The following CTNNA2 variants were observed in gnomAD, a reference collection of about 807,000 sequenced individuals.
CTNNA2 encodes catenin alpha 2.
CTNNA2 carries 42 observed loss-of-function variants against 101.0 expected under a neutral mutation model. The ratio of observed to expected loss-of-function variants is 0.42; its 90% CI spans 0.32 to 0.54. The LOEUF is 0.54. Among genes scored for constraint, CTNNA2 ranks in the 20% least tolerant of loss-of-function variants. The pLI is 0.14. For missense variants in CTNNA2, 871 were observed against 1,223.1 expected, an observed-to-expected ratio of 0.71 and a Z score of 4.29; for synonymous variants, 450 against 456.4, an observed-to-expected ratio of 0.99 and a Z score of 0.18.
At chr2:79,820,086 A>ATAT (rs10655961) in intron 3 of CTNNA2, among the ~76,000 whole-genome samples, 64,354 of 151,678 alleles carry the variant, frequency 0.42, 14,387 homozygotes, top group East Asian at 0.65. Context: ...AATATATGTA[A>ATAT]TATGTGATTT....
intron 2 of CTNNA2, among the ~76,000 whole-genome samples, chr2:79,215,025 C>T (rs1361751439): frequency 6.6e-6 from 1 of 152,020 alleles, no homozygotes; most frequent in Admixed American, 6.6e-5. Flanking sequence ...ACCTGAAGCT[C>T]GGCGTCCGTG....
chr2:79,971,305 G>C (rs904831851), intron 7 of CTNNA2, among the ~76,000 whole-genome samples: 5 of 151,884 alleles, frequency 3.3e-5, no homozygotes, highest in Non-Finnish European at 7.4e-5. Flanking sequence ...CTCAAGACAC[G>C]CATATAACAT....
Position 79,909,732 on chromosome 2 carries a change from A to C in CTNNA2, c.991A>C (p.Ile331Leu), listed in dbSNP as rs1228815342. The change falls in exon 7 of 19, where the codon ATC becomes CTC. Residue 331 changes from isoleucine (I) to leucine (L), a missense_variant. By Grantham distance (5) the Ile-to-Leu change is conservative. This residue lies in a region of CTNNA2 where 647 missense variants were observed against 831.5 expected (regional missense o/e 0.78). Transcript: ENST00000402739. ...CACGCGAGACGACCGGCGCGAGAGG[A>C]TCGTGGCGGAGTGCAACGCCGTGCG... ...SCTRDDRRERIVAECNAVRQA... is the reference protein window; with the variant it reads ...SCTRDDRRERLVAECNAVRQA... 6.2e-7 allele frequency: 1 copy of C among 1,613,698 alleles called. No homozygotes were observed. The highest frequency in any genetic ancestry group is 8.5e-7 in the Non-Finnish European group (1 of 1,179,862).
At chr2:79,905,821 T>G (rs959531135) in intron 6 of CTNNA2, among the ~76,000 whole-genome samples, 1 of 152,190 alleles carries the variant, frequency 6.6e-6, no homozygotes, top group Non-Finnish European at 1.5e-5. Context: ...TCTTAGTTTT[T>G]TAATTACTTT....
chr2:79,623,872 A>T (rs1468348013), intron 1 of CTNNA2, among the ~76,000 whole-genome samples: 1 of 152,218 alleles, frequency 6.6e-6, no homozygotes, highest in Admixed American at 6.5e-5. Context: ...TTATAGTAAA[A>T]TTATCAGAGC....
At chr2:79,842,348 G>A (rs933376044) in intron 3 of CTNNA2, among the ~76,000 whole-genome samples, 11 of 152,084 alleles carry the variant, frequency 7.2e-5, no homozygotes, top group Admixed American at 2.0e-4. Flanking sequence ...CTTCATGTAC[G>A]AAATGGGAAC....
chr2:79,566,444 A>AT (rs1281263531), intron 1 of CTNNA2, among the ~76,000 whole-genome samples: 3 of 152,118 alleles, frequency 2.0e-5, no homozygotes, highest in Non-Finnish European at 4.4e-5. Flanking sequence ...AAAAATGGAA[A>AT]TTTTTTTAAT....
chr2:79,217,286 G>A (rs1007348268), intron 2 of CTNNA2, among the ~76,000 whole-genome samples: 8 of 152,198 alleles, frequency 5.3e-5, no homozygotes, highest in South Asian at 2.1e-4. Flanking sequence ...GAGGTCCCCC[G>A]ATCCGAGTCA....
At chr2:79,771,398 C>T (rs1673568769) in intron 3 of CTNNA2, among the ~76,000 whole-genome samples, 1 of 152,086 alleles carries the variant, frequency 6.6e-6, no homozygotes, top group Non-Finnish European at 1.5e-5. Context: ...TAGTATGATT[C>T]AAGCACATTA....
chr2:79,288,082 G>A (rs1675669882), intron 2 of CTNNA2, among the ~76,000 whole-genome samples: 2 of 152,318 alleles, frequency 1.3e-5, no homozygotes, highest in South Asian at 4.1e-4. Context: ...TGCCAAGTGA[G>A]GCAATGCCTC....
At chr2:79,917,860 C>T (rs908528190) in intron 7 of CTNNA2, among the ~76,000 whole-genome samples, 12 of 152,190 alleles carry the variant, frequency 7.9e-5, no homozygotes, top group African/African-American at 2.9e-4. Flanking sequence ...CATGTGTGCA[C>T]TGGCTTTGAA....
chr2:79,398,594 A>G (rs1558657527), intron 4 of CTNNA2, among the ~76,000 whole-genome samples: 1 of 152,072 alleles, frequency 6.6e-6, no homozygotes, highest in Non-Finnish European at 1.5e-5. Context: ...TTACTACAAT[A>G]ATAATGCTAA....
At chr2:80,617,252 AT>A (rs1465591208) in intron 17 of CTNNA2, among the ~76,000 whole-genome samples, 3 of 151,362 alleles carry the variant, frequency 2.0e-5, no homozygotes, top group South Asian at 2.1e-4. Context: ...ATTTCCTACA[AT>A]GGGAAAAATC....
chr2:79,855,272 C>T (rs1273621328), intron 3 of CTNNA2, among the ~76,000 whole-genome samples: 2 of 152,084 alleles, frequency 1.3e-5, no homozygotes, highest in Non-Finnish European at 2.9e-5. Context: ...ATCTGCTGAG[C>T]CACTCTTGGG....
chr2:80,501,749 C>T (rs1687899948), intron 9 of CTNNA2, among the ~76,000 whole-genome samples: 1 of 152,086 alleles, frequency 6.6e-6, no homozygotes, highest in African/African-American at 2.4e-5. Context: ...TTTGCTTTTA[C>T]CTGAACTCAG....
intron 3 of CTNNA2, among the ~76,000 whole-genome samples, chr2:79,792,072 A>G (rs2105256949): frequency 6.6e-6 from 1 of 152,192 alleles, no homozygotes; most frequent in East Asian, 1.9e-4. Flanking sequence ...TTCTTCCATT[A>G]AAAAATATAT....
intron 1 of CTNNA2, among the ~76,000 whole-genome samples, chr2:79,517,443 T>C (rs560250898): frequency 9.3e-4 from 141 of 152,288 alleles, no homozygotes; most frequent in African/African-American, 3.3e-3. Flanking sequence ...AATATTATCT[T>C]AAGATATATT....
Position 80,303,370 on chromosome 2 carries a change from C to T in CTNNA2, c.1057-89841C>T. 1 of 1,614,144 alleles carries T rather than the reference C, an allele frequency of 6.2e-7. No homozygotes were observed. The highest frequency in any genetic ancestry group is 8.5e-7 in the Non-Finnish European group (1 of 1,180,048). On this transcript the variant is annotated intron_variant, in intron 7 of 18. Transcript: ENST00000402739. The surrounding 1 kb of genome is among the most constrained non-coding windows in gnomAD (Gnocchi z 7.7). ...CGTGGAAGAGGTCGGGCGCGAGCGC[C>T]TGCAGCTTGTTGTACGAGAGGTCCA... is the stretch of plus-strand genomic sequence containing the variant.
chr2:80,592,318 G>T lies in CTNNA2; in HGVS notation c.2189+2833G>T, dbSNP rs193222913. On this transcript the variant is annotated intron_variant, in intron 15 of 18. Transcript: ENST00000402739. ...TCAGTTCCAATTCTCTACTCATCCA[G>T]GCCACATCTGCTCAGTGAAGGGCAA... 8.8e-4 allele frequency among the ~76,000 whole-genome samples: 134 copies of T among 152,222 alleles called. 1 individual carries two copies. The highest frequency in any genetic ancestry group is 1.0e-3 in the Admixed American group (16 of 15,288).
Sources: allele counts gnomAD v4.1 joint callset (sites outside exome capture counted in the v4.1 genomes callset), GRCh38; gene constraint gnomAD v4.1.1; regional missense constraint gnomAD v4.1.1; non-coding constraint Gnocchi (gnomAD v3.1); transcripts MANE v1.5; gene names NCBI Gene and HGNC (gene_info 2026-07-23, HGNC 2026-07-21).